The following CDH4 variants were observed in gnomAD, a reference collection of about 807,000 sequenced individuals.
CDH4 encodes cadherin-4.
CDH4 carries 33 observed loss-of-function variants against 86.0 expected under a neutral mutation model. That is an observed-to-expected ratio of 0.38 (90% CI 0.29 to 0.51). The LOEUF (loss-of-function observed/expected upper bound fraction) is 0.51. CDH4 is among the 20% of genes least tolerant of loss of function. The probability of loss-of-function intolerance (pLI) is 0.86; values close to 1 mark genes in which losing one functional copy is unlikely to be tolerated. For missense variants in CDH4, 1,114 were observed against 1,307.4 expected (o/e 0.85, Z 2.28); for synonymous variants, 555 against 549.4 (o/e 1.01, Z -0.14).
At chr20:61,927,848 T>G (rs942635400) in intron 11 of CDH4, among the ~76,000 whole-genome samples, 5 of 152,134 alleles carry the variant, frequency 3.3e-5, no homozygotes, top group African/African-American at 1.2e-4. Context: ...CCGTGTGCTC[T>G]GCCGTGTCTG....
intron 7 of CDH4, among the ~76,000 whole-genome samples, chr20:61,881,746 C>G (rs1353505849): frequency 6.6e-6 from 1 of 152,242 alleles, no homozygotes; most frequent in East Asian, 1.9e-4. Context: ...CTGGGGGCCA[C>G]TGGCCCAGCC....
chr20:61,415,685 T>C (rs2145495775), intron 2 of CDH4, among the ~76,000 whole-genome samples: 1 of 152,312 alleles, frequency 6.6e-6, no homozygotes, highest in East Asian at 1.9e-4. Context: ...AGTTCACCCA[T>C]GTTATAGCGA....
chr20:61,506,987 C>G (rs528660062), intron 2 of CDH4, among the ~76,000 whole-genome samples: 3 of 152,164 alleles, frequency 2.0e-5, no homozygotes, highest in Non-Finnish European at 4.4e-5. Context: ...TAAAATTACT[C>G]GAATCAGTGG....
Position 61,547,186 on chromosome 20 carries a change from A to G in CDH4, c.170-196377A>G, listed in dbSNP as rs1305128817. 1.1e-4 allele frequency among the ~76,000 whole-genome samples: 15 copies of G among 137,458 alleles called. No homozygotes were observed. In the Admixed American group the frequency reaches 1.1e-3, roughly 10 times the overall value. The allele number at this position is 137,458 out of a possible 152,430, so 90.2% of individuals were successfully genotyped here. A position where few individuals can be genotyped will look rare whatever the true frequency, so the allele number is the denominator to read the frequency against. On this transcript the variant is annotated intron_variant, in intron 2 of 15. Coordinates refer to ENST00000614565, the MANE Select transcript of CDH4 (RefSeq NM_001794.5). ...ACTGGATTCAGTCTCTCACATACTC[A>G]GCCCCAGAGCTCTTTTTTTTTTTTT...
At chr20:61,868,562 C>T (rs919874009) in intron 6 of CDH4, among the ~76,000 whole-genome samples, 1 of 152,230 alleles carries the variant, frequency 6.6e-6, no homozygotes, top group Non-Finnish European at 1.5e-5. Flanking sequence ...CTGTCATCAG[C>T]CTTAAGGCAA....
chr20:61,334,796 G>A (rs1167130312), intron 2 of CDH4, among the ~76,000 whole-genome samples: 2 of 152,228 alleles, frequency 1.3e-5, no homozygotes, highest in South Asian at 2.1e-4. Context: ...TGCTCAGTCT[G>A]TGAGGGTCAT....
Position 61,681,797 on chromosome 20 carries a change from G to C in CDH4, c.170-61766G>C, listed in dbSNP as rs2087517353. On this transcript the variant is annotated intron_variant, in intron 2 of 15. Coordinates refer to ENST00000614565, the MANE Select transcript of CDH4 (RefSeq NM_001794.5). The surrounding 1 kb of genome is among the most constrained non-coding windows in gnomAD (Gnocchi z 4.5). ...GGCCCGTGCAGCTGACATTCCTTTGGCTTCCTGGTGATGGAGGGACAGACA... is the reference window on the plus strand; with the variant it reads ...GGCCCGTGCAGCTGACATTCCTTTGCCTTCCTGGTGATGGAGGGACAGACA... 6.6e-6 allele frequency among the ~76,000 whole-genome samples: 1 copy of C among 152,218 alleles called. No individual in the cohort carries two copies.
Position 61,637,002 on chromosome 20 carries a change from A to C in CDH4, c.170-106561A>C, listed in dbSNP as rs562519407. 3.2e-3 allele frequency among the ~76,000 whole-genome samples: 493 copies of C among 152,054 alleles called. 1 individual carries two copies. Among genetic ancestry groups the C allele is most frequent in the Non-Finnish European group, 4.6e-3 (314 of 67,992 alleles). ...CCCTCGGCGTGCAGAGATCACCTGG[A>C]CTCCAGTCCAGCAAAGGTTCCTGGG... is the stretch of plus-strand genomic sequence containing the variant. On this transcript the variant is annotated intron_variant, in intron 2 of 15. Coordinates refer to ENST00000614565, the MANE Select transcript of CDH4 (RefSeq NM_001794.5).
intron 2 of CDH4, among the ~76,000 whole-genome samples, chr20:61,740,178 C>T (rs1321552974): frequency 6.6e-6 from 1 of 152,178 alleles, no homozygotes; most frequent in Non-Finnish European, 1.5e-5. Context: ...AAGCCAGCTA[C>T]GGTACTGCCT....
At chr20:61,631,195 T>G (rs1156961282) in intron 2 of CDH4, among the ~76,000 whole-genome samples, 3 of 152,340 alleles carry the variant, frequency 2.0e-5, no homozygotes, top group African/African-American at 7.2e-5. Flanking sequence ...TGGAGGCCCC[T>G]GACTCTCCCA....
At chr20:61,537,495 T>C (rs1297183409) in intron 2 of CDH4, among the ~76,000 whole-genome samples, 1 of 152,172 alleles carries the variant, frequency 6.6e-6, no homozygotes, top group Admixed American at 6.5e-5. Context: ...CACAGCCAGG[T>C]GCCCTCATCA....
chr20:61,452,520 T>C (rs185931593), intron 2 of CDH4, among the ~76,000 whole-genome samples: 2 of 152,358 alleles, frequency 1.3e-5, no homozygotes, highest in African/African-American at 4.8e-5. Context: ...GGGGCAGGCT[T>C]GGTAAATTGC....
chr20:61,732,488 G>A (rs1399934398), intron 2 of CDH4, among the ~76,000 whole-genome samples: 2 of 152,106 alleles, frequency 1.3e-5, no homozygotes, highest in African/African-American at 2.4e-5. Context: ...CCCATCCTCA[G>A]ATACACTAAG....
At chr20:61,580,486 T>TAAA (rs372487416) in intron 2 of CDH4, among the ~76,000 whole-genome samples, 7 of 150,166 alleles carry the variant, frequency 4.7e-5, no homozygotes, top group East Asian at 3.9e-4. Context: ...ACCTCTACTT[T>TAAA]AAAAAAAAAA....
chr20:61,497,143 T>C (rs1036889696), intron 2 of CDH4, among the ~76,000 whole-genome samples: 1 of 152,146 alleles, frequency 6.6e-6, no homozygotes, highest in African/African-American at 2.4e-5. Flanking sequence ...CAGCATGTCT[T>C]TGAACCTTGA....
At chr20:61,457,029 C>A (rs1448225047) in intron 2 of CDH4, among the ~76,000 whole-genome samples, 1 of 152,156 alleles carries the variant, frequency 6.6e-6, no homozygotes, top group Non-Finnish European at 1.5e-5. Flanking sequence ...TGCCAGACTT[C>A]TCCTTTCAGA....
At chr20:61,352,389 C>G (rs1488013478) in intron 2 of CDH4, among the ~76,000 whole-genome samples, 1 of 152,194 alleles carries the variant, frequency 6.6e-6, no homozygotes, top group Non-Finnish European at 1.5e-5. Flanking sequence ...TTGTTGCCAG[C>G]ATTGTCCCTC....
chr20:61,255,769 A>C (rs1256809923), intron 2 of CDH4, among the ~76,000 whole-genome samples: 3 of 152,192 alleles, frequency 2.0e-5, no homozygotes, highest in South Asian at 2.1e-4. Flanking sequence ...TTCCCTCCAG[A>C]ACTGACAGCG....
In CDH4 at chr20:61,709,590, A is replaced by ATT. The variant is rs5842362; in HGVS notation, c.170-33961_170-33960dup. 1.2e-3 allele frequency among the ~76,000 whole-genome samples: 172 copies of ATT among 148,166 alleles called. No homozygotes were observed. The highest frequency in any genetic ancestry group is 1.4e-3 in the Non-Finnish European group (93 of 67,012). ...TGTGCCTGGCAATTTTTGAATGACA[A>ATT]TTTTTTTTTTTTTATCGCTGGCTAA... is the stretch of plus-strand genomic sequence containing the variant. On this transcript the variant is annotated intron_variant, in intron 2 of 15. Coordinates refer to ENST00000614565, the MANE Select transcript of CDH4 (RefSeq NM_001794.5). This position sits in a 1 kb window ranked among gnomAD's most constrained non-coding sequence, Gnocchi z 4.8.
Sources: gnomAD v4.1 joint callset for allele counts (sites outside exome capture counted in the v4.1 genomes callset) on GRCh38, gnomAD v4.1.1 for gene constraint, Gnocchi (gnomAD v3.1) non-coding constraint, MANE v1.5 for transcripts, NCBI Gene and HGNC (gene_info 2026-07-23, HGNC 2026-07-21) for gene names.